Variants in C2orf80 observed in about 807,000 individuals in gnomAD.
The protein encoded by C2orf80 is chromosome 2 open reading frame 80.
A neutral mutation model predicts 30.2 loss-of-function variants in C2orf80; 28 were observed. The ratio of observed to expected loss-of-function variants is 0.93; its 90% CI spans 0.69 to 1.27. C2orf80 has a LOEUF of 1.27. Among genes scored for constraint, C2orf80 ranks in the 50% most tolerant of loss-of-function variants. The pLI is 0.00. For synonymous variants in C2orf80, 80 were observed against 76.4 expected (o/e 1.05, Z -0.24); for missense variants, 220 against 231.0 (o/e 0.95, Z 0.31).
intron 5 of C2orf80, 142 bp from the exon 6 acceptor site, chr2:208,180,958 C>T: frequency 1.4e-6 from 1 of 717,272 alleles, no homozygotes; most frequent in East Asian, 2.7e-5. Flanking sequence ...AACTTCTGAT[C>T]AATGGATAAA....
In C2orf80 at chr2:208,182,959, A is replaced by G. The variant is rs1696604658; in HGVS notation, c.206+6T>C. On this transcript the variant is annotated splice_donor_region_variant and intron_variant, in intron 4 of 8. Coordinates refer to ENST00000341287, the MANE Select transcript of C2orf80 (RefSeq NM_001099334.3). ...AGAGGAAAGCAACAAACCTACTTCA[A>G]CTTACAGTTCCTCCCACTCCAGCCA... is the stretch of plus-strand genomic sequence containing the variant. 1.9e-6 allele frequency: 3 copies of G among 1,610,772 alleles called. No homozygotes were observed. The highest frequency in any genetic ancestry group is 1.7e-6 in the Non-Finnish European group (2 of 1,176,966).
At chr2:208,182,727 A>G (rs1032788758) in intron 4 of C2orf80, among the ~76,000 whole-genome samples, 1 of 152,184 alleles carries the variant, frequency 6.6e-6, no homozygotes, top group African/African-American at 2.4e-5. Flanking sequence ...TCTGTGCAAG[A>G]AAGTCTTTCA....
chr2:208,184,008 C>T (rs1574374128), intron 3 of C2orf80, among the ~76,000 whole-genome samples: 1 of 152,128 alleles, frequency 6.6e-6, no homozygotes, highest in East Asian at 1.9e-4. Flanking sequence ...CATTTTTAAA[C>T]GGTGGAATTA....
chr2:208,180,911 C>G (rs1696536863), intron 5 of C2orf80, 95 bp from the exon 6 acceptor site: 2 of 1,084,344 alleles, frequency 1.8e-6, no homozygotes, highest in Admixed American at 4.2e-5. Flanking sequence ...ATGTCTAAAA[C>G]TGTGCTTGGG....
Position 208,165,564 on chromosome 2 carries a change from T to C in C2orf80, c.*243A>G. The C allele has an allele frequency of 2.2e-6, 1 of 455,032 alleles. No homozygotes were observed. Among genetic ancestry groups the C allele is most frequent in the East Asian group, 3.7e-5 (1 of 27,244 alleles). The allele number at this position is 455,032 out of a possible 1,614,324, so 28.2% of individuals were successfully genotyped here. A position where few individuals can be genotyped will look rare whatever the true frequency, so the allele number is the denominator to read the frequency against. On this transcript the variant is annotated 3_prime_UTR_variant, in exon 9 of 9. Transcript: ENST00000341287. ...GAAATACTATATACTTTCTGAATTCTCCAGCAGTCTTCCAGTCACAATGAA... is the reference window on the plus strand; with the variant it reads ...GAAATACTATATACTTTCTGAATTCCCCAGCAGTCTTCCAGTCACAATGAA...
chr2:208,184,407 G>T (rs1339079359), intron 3 of C2orf80, among the ~76,000 whole-genome samples: 1 of 152,204 alleles, frequency 6.6e-6, no homozygotes, highest in African/African-American at 2.4e-5. Context: ...GAGGGAGAGA[G>T]TCTTTTTTAT....
intron 6 of C2orf80, among the ~76,000 whole-genome samples, chr2:208,176,978 C>T (rs1559340682): frequency 4.3e-3 from 35 of 8,136 alleles, no homozygotes; most frequent in South Asian, 9.5e-3. Context: ...TACATATATA[C>T]AGAAATGTAT....
chr2:208,184,493 T>A (rs778054178), intron 3 of C2orf80, among the ~76,000 whole-genome samples: 7 of 152,196 alleles, frequency 4.6e-5, no homozygotes, highest in Non-Finnish European at 1.0e-4. Context: ...CTTTATATGG[T>A]TTCTTCCTCA....
intron 6 of C2orf80, among the ~76,000 whole-genome samples, chr2:208,177,422 T>A (rs1363768594): frequency 1.2e-4 from 18 of 152,040 alleles, no homozygotes; most frequent in Non-Finnish European, 1.3e-4. Context: ...ATGCCTGTAA[T>A]TCCAGCTACT....
intron 6 of C2orf80, among the ~76,000 whole-genome samples, chr2:208,174,743 G>A (rs1696222649): frequency 6.6e-6 from 1 of 152,230 alleles, no homozygotes; most frequent in African/African-American, 2.4e-5. Context: ...GGACTTGGAT[G>A]TCAGTTAGGA....
chr2:208,173,866 T>C (rs953928792), intron 6 of C2orf80, among the ~76,000 whole-genome samples: 2 of 152,174 alleles, frequency 1.3e-5, no homozygotes, highest in Non-Finnish European at 2.9e-5. Flanking sequence ...TTTGTTTGCT[T>C]GGTCTTTGTC....
chr2:208,180,396 G>A (rs1415362670), intron 6 of C2orf80, among the ~76,000 whole-genome samples: 2 of 151,564 alleles, frequency 1.3e-5, no homozygotes, highest in East Asian at 3.9e-4. Context: ...AGTGCAGTGA[G>A]CCGAGATCGC....
At chr2:208,174,141 A>C (rs1049593627) in intron 6 of C2orf80, among the ~76,000 whole-genome samples, 2 of 151,922 alleles carry the variant, frequency 1.3e-5, no homozygotes, top group Non-Finnish European at 2.9e-5. Flanking sequence ...TTTGGTATAG[A>C]CAGGTTTTTG....
intron 1 of C2orf80, among the ~76,000 whole-genome samples, chr2:208,188,696 G>C (rs2105917049): frequency 6.6e-6 from 1 of 152,250 alleles, no homozygotes; most frequent in Non-Finnish European, 1.5e-5. Context: ...TAATCCACCT[G>C]CCTCAGCCTC....
At chr2:208,166,970 C>G (rs1220805697) in intron 8 of C2orf80, among the ~76,000 whole-genome samples, 1 of 151,950 alleles carries the variant, frequency 6.6e-6, no homozygotes, top group East Asian at 1.9e-4. Flanking sequence ...CTTTTCTAAG[C>G]CTTTACACAT....
In C2orf80 at chr2:208,182,993, C is replaced by G. The variant is rs1458715620; in HGVS notation, c.178G>C (p.Asp60His). Residue 60 changes from aspartate (D) to histidine (H), a missense_variant, in exon 4 of 9, where the codon GAC (aspartate) becomes CAC (histidine). Transcript: ENST00000341287. ...VALQWLDPSEDLTWLEWEELK... is the reference protein window; with the variant it reads ...VALQWLDPSEHLTWLEWEELK... ...TCCTCCCACTCCAGCCAAGTTAAGT[C>G]TTCTGAGGGATCCAGCCATTGCAAA... 16 of 1,614,068 alleles carry G rather than the reference C, an allele frequency of 9.9e-6. No individual in the cohort carries two copies. The highest frequency in any genetic ancestry group is 1.2e-5 in the Non-Finnish European group (14 of 1,179,952).
Position 208,165,755 on chromosome 2 carries a change from C to A in C2orf80, c.*52G>T. The A allele has an allele frequency of 6.2e-7, 1 of 1,611,400 alleles. No individual in the cohort carries two copies. The highest frequency in any genetic ancestry group is 1.1e-5 in the South Asian group (1 of 90,544). ...GCTGTGGTTTTAAGATGATGCTTCTCGTCTGCTCCCAGAGAATCTATTATG... is the reference window on the plus strand; with the variant it reads ...GCTGTGGTTTTAAGATGATGCTTCTAGTCTGCTCCCAGAGAATCTATTATG... On this transcript the variant is annotated 3_prime_UTR_variant, in exon 9 of 9. Transcript: ENST00000341287.
intron 1 of C2orf80, among the ~76,000 whole-genome samples, chr2:208,188,247 T>C (rs944817135): frequency 1.3e-5 from 2 of 152,132 alleles, no homozygotes; most frequent in Non-Finnish European, 2.9e-5. Flanking sequence ...ATACTACCCT[T>C]TGTACTTTTA....
chr2:208,176,953 CT>C (rs1696351201), intron 6 of C2orf80, among the ~76,000 whole-genome samples: 3 of 5,136 alleles, frequency 5.8e-4, no homozygotes, highest in Non-Finnish European at 1.0e-3. Flanking sequence ...GTATACATAT[CT>C]GTATACATAT....
Sources: gnomAD v4.1 joint callset for allele counts (sites outside exome capture counted in the v4.1 genomes callset) on GRCh38, gnomAD v4.1.1 for gene constraint, MANE v1.5 for transcripts, NCBI Gene and HGNC (gene_info 2026-07-23, HGNC 2026-07-21) for gene names.